The following GPHN variants were observed in gnomAD, a reference collection of about 807,000 sequenced individuals.
GPHN encodes the protein gephyrin.
GPHN carries 17 observed loss-of-function variants against 95.5 expected under a neutral mutation model. That is an observed-to-expected ratio of 0.18 (90% CI 0.12 to 0.27). The LOEUF is 0.27. Ranked by LOEUF, GPHN falls within the 10% of genes least tolerant of loss-of-function variation. The probability of loss-of-function intolerance (pLI) is 1.00; values close to 1 mark genes in which losing one functional copy is unlikely to be tolerated. For missense variants in GPHN, 660 were observed against 978.1 expected (o/e 0.67, Z 4.34); for synonymous variants, 320 against 322.5 (o/e 0.99, Z 0.08).
At chr14:66,572,112 A>G (rs1044111587) in intron 1 of GPHN, among the ~76,000 whole-genome samples, 2 of 152,092 alleles carry the variant, frequency 1.3e-5, no homozygotes, top group African/African-American at 4.8e-5. Flanking sequence ...CTATTTGTCT[A>G]TGTGCCTGTT....
the GPHN span, chr14:67,515,442 C>A: frequency 5.6e-6 from 1 of 178,308 alleles, no homozygotes; most frequent in Non-Finnish European, 1.1e-5. Context: ...CGGCGGCACT[C>A]ACCCATAGTA....
chr14:67,146,989 C>T (rs551573178), intron 18 of GPHN, among the ~76,000 whole-genome samples: 17 of 152,214 alleles, frequency 1.1e-4, no homozygotes, highest in African/African-American at 2.2e-4. Flanking sequence ...GCCAAGATGG[C>T]GCCACTGCAC....
chr14:67,705,096 G>A, the GPHN span, among the ~76,000 whole-genome samples: 1 of 152,212 alleles, frequency 6.6e-6, no homozygotes, highest in Non-Finnish European at 1.5e-5. Flanking sequence ...AGCCAAATGT[G>A]AGGATCAATC....
intron 1 of GPHN, among the ~76,000 whole-genome samples, chr14:66,529,409 A>G (rs534296506): frequency 4.6e-5 from 7 of 152,224 alleles, no homozygotes; most frequent in Admixed American, 6.5e-5. Flanking sequence ...TGGTTAGAAC[A>G]TGCTCCTTCA....
the GPHN span, among the ~76,000 whole-genome samples, chr14:67,605,159 G>A: frequency 1.3e-5 from 2 of 152,130 alleles, no homozygotes; most frequent in African/African-American, 4.8e-5. Flanking sequence ...ATCTAAGGGA[G>A]AATTGACATC....
At chr14:67,455,065 G>A in the GPHN span, among the ~76,000 whole-genome samples, 2 of 152,154 alleles carry the variant, frequency 1.3e-5, no homozygotes, top group Non-Finnish European at 2.9e-5. Flanking sequence ...GACCAGGCAG[G>A]TCTTGAACTC....
At chr14:67,103,156 A>G (rs765244175) in intron 13 of GPHN, among the ~76,000 whole-genome samples, 2 of 152,080 alleles carry the variant, frequency 1.3e-5, no homozygotes, top group Non-Finnish European at 2.9e-5. Context: ...CCTTCACCCC[A>G]GTATGGACTC....
At chr14:66,640,799 T>C (rs1366096219) in intron 1 of GPHN, among the ~76,000 whole-genome samples, 1 of 152,190 alleles carries the variant, frequency 6.6e-6, no homozygotes, top group Non-Finnish European at 1.5e-5. Context: ...CAAGATAAAA[T>C]ATACATGTAA....
intron 1 of GPHN, among the ~76,000 whole-genome samples, chr14:66,673,468 C>G (rs756675302): frequency 6.6e-6 from 1 of 152,188 alleles, no homozygotes; most frequent in Non-Finnish European, 1.5e-5. Context: ...ACACTATATT[C>G]ACAAGCAGTG....
intron 1 of GPHN, among the ~76,000 whole-genome samples, chr14:66,591,031 T>C (rs761295972): frequency 1.3e-5 from 2 of 152,156 alleles, no homozygotes; most frequent in African/African-American, 2.4e-5. Flanking sequence ...CAATCCATTA[T>C]GTAAACCGAA....
At chr14:67,646,907 A>G in the GPHN span, 3 of 1,540,754 alleles carry the variant, frequency 1.9e-6, no homozygotes, top group Non-Finnish European at 2.7e-6. Context: ...TCCTCCCTTT[A>G]TATCTCATCA....
chr14:67,225,052 CT>C, the GPHN span: 1 of 1,324,536 alleles, frequency 7.5e-7, no homozygotes, highest in South Asian at 1.5e-5. Context: ...GGCTTTTTTT[CT>C]TTCTCACTTC....
chr14:67,575,208 G>A, the GPHN span, among the ~76,000 whole-genome samples: 1 of 152,126 alleles, frequency 6.6e-6, no homozygotes, highest in Non-Finnish European at 1.5e-5. Flanking sequence ...TGATGGCTGG[G>A]GTGCCACAGG....
At chr14:67,275,895 A>G in the GPHN span, among the ~76,000 whole-genome samples, 3 of 152,050 alleles carry the variant, frequency 2.0e-5, no homozygotes, top group African/African-American at 7.2e-5. Flanking sequence ...TAGATTTTCT[A>G]CTTTATTTGC....
the GPHN span, chr14:67,386,898 CG>C: frequency 6.6e-6 from 1 of 152,230 alleles, no homozygotes; most frequent in South Asian, 2.0e-4. Flanking sequence ...AAACGTTGCT[CG>C]AAAACTATAA....
chr14:66,605,774 T>C (rs111288077), intron 1 of GPHN, among the ~76,000 whole-genome samples: 4,662 of 152,080 alleles, frequency 0.031, 110 homozygotes, highest in African/African-American at 0.067. Context: ...CCTCTTGATC[T>C]GCCCGCCTCG....
chr14:67,320,465 T>C, the GPHN span: 1 of 1,395,586 alleles, frequency 7.2e-7, no homozygotes, highest in Non-Finnish European at 9.5e-7. Context: ...AACTATATCA[T>C]GTAGGGAAAT....
At chr14:66,898,869 C>T (rs193038894) in intron 5 of GPHN, among the ~76,000 whole-genome samples, 1 of 151,866 alleles carries the variant, frequency 6.6e-6, no homozygotes, top group Admixed American at 6.6e-5. Flanking sequence ...CATTATGTCT[C>T]TTCCTTTAGA....
chr14:66,573,170 T>A (rs1447509700), intron 1 of GPHN, among the ~76,000 whole-genome samples: 1 of 152,220 alleles, frequency 6.6e-6, no homozygotes, highest in Non-Finnish European at 1.5e-5. Flanking sequence ...TGGATTCTGC[T>A]GCTTTTGGAA....
Sources: gnomAD v4.1 joint callset for allele counts (sites outside exome capture counted in the v4.1 genomes callset) on GRCh38, gnomAD v4.1.1 for gene constraint, MANE v1.5 for transcripts, NCBI Gene and HGNC (gene_info 2026-07-23, HGNC 2026-07-21) for gene names.